The following AHCYL2 variants were observed in gnomAD, a reference collection of about 807,000 sequenced individuals.
The protein encoded by AHCYL2 is adenosylhomocysteinase like 2.
A neutral mutation model predicts 81.4 loss-of-function variants in AHCYL2; 28 were observed. That is an observed-to-expected ratio of 0.34 (90% confidence interval 0.25 to 0.47). The LOEUF (loss-of-function observed/expected upper bound fraction) is 0.47, where lower values mean the gene tolerates loss of function less well. AHCYL2 is among the 20% of genes least tolerant of loss of function. The pLI is 1.00. For synonymous variants in AHCYL2, 272 were observed against 290.2 expected, an observed-to-expected ratio of 0.94 and a Z score of 0.64; for missense variants, 551 against 785.1, an observed-to-expected ratio of 0.70 and a Z score of 3.56.
At chr7:129,298,236 G>T (rs182001242) in intron 1 of AHCYL2, among the ~76,000 whole-genome samples, 51 of 152,282 alleles carry the variant, frequency 3.3e-4, no homozygotes, top group African/African-American at 1.1e-3. Flanking sequence ...AGGGAGTGGG[G>T]TATTCACCAG....
chr7:129,373,563 G>A (rs1794524256), intron 1 of AHCYL2, among the ~76,000 whole-genome samples: 1 of 151,756 alleles, frequency 6.6e-6, no homozygotes, highest in African/African-American at 2.4e-5. Flanking sequence ...TCGCGCCACT[G>A]CACTCCAGCC....
intron 1 of AHCYL2, among the ~76,000 whole-genome samples, chr7:129,350,892 CAG>C (rs1793539312): frequency 6.6e-6 from 1 of 151,698 alleles, no homozygotes; most frequent in Non-Finnish European, 1.5e-5. Flanking sequence ...TTAGTAGAGA[CAG>C]GGTTTCACCA....
intron 8 of AHCYL2, 170 bp downstream of exon 8, chr7:129,405,383 T>C (rs1214540240): frequency 2.3e-6 from 1 of 434,312 alleles, no homozygotes; most frequent in Non-Finnish European, 4.0e-6. Flanking sequence ...TATTTTCTCC[T>C]TTGTATCTTT....
chr7:129,310,432 T>C (rs977533688), intron 1 of AHCYL2, among the ~76,000 whole-genome samples: 1 of 152,020 alleles, frequency 6.6e-6, no homozygotes, highest in Non-Finnish European at 1.5e-5. Flanking sequence ...TGGACCCCAA[T>C]GGACATCAAC....
intron 8 of AHCYL2, chr7:129,405,450 A>G (rs929815890): frequency 1.7e-5 from 6 of 363,010 alleles, no homozygotes; most frequent in Non-Finnish European, 2.9e-5. Context: ...TGTTGCTTTT[A>G]TGTTTAAAAG....
chr7:129,306,178 TTTCTA>T (rs1191972684), intron 1 of AHCYL2, among the ~76,000 whole-genome samples: 4 of 152,244 alleles, frequency 2.6e-5, no homozygotes, highest in African/African-American at 9.6e-5. Flanking sequence ...TTGAATGTAC[TTTCTA>T]TGTCTGTCTC....
intron 1 of AHCYL2, among the ~76,000 whole-genome samples, chr7:129,228,785 CAG>C (rs1794315175): frequency 1.3e-5 from 2 of 152,380 alleles, no homozygotes; most frequent in South Asian, 4.1e-4. Flanking sequence ...CGTGTTCAAA[CAG>C]ACCCTTTATT....
intron 1 of AHCYL2, among the ~76,000 whole-genome samples, chr7:129,270,170 A>G (rs986889394): frequency 1.3e-5 from 2 of 152,140 alleles, no homozygotes; most frequent in Admixed American, 1.3e-4. Flanking sequence ...ATCCTTCCTC[A>G]TTGTATTATC....
chr7:129,337,027 G>A (rs1480155337), intron 1 of AHCYL2, among the ~76,000 whole-genome samples: 1 of 152,144 alleles, frequency 6.6e-6, no homozygotes, highest in Non-Finnish European at 1.5e-5. Flanking sequence ...GATTACAAGT[G>A]TGAACCACTA....
chr7:129,354,547 G>A (rs1037080951), intron 1 of AHCYL2, among the ~76,000 whole-genome samples: 3 of 152,164 alleles, frequency 2.0e-5, no homozygotes, highest in Admixed American at 6.5e-5. Context: ...CAGTCCAGGC[G>A]TAGGCATGAC....
intron 4 of AHCYL2, 64 bp downstream of exon 4, chr7:129,389,798 C>A: frequency 7.3e-7 from 1 of 1,370,928 alleles, no homozygotes. Flanking sequence ...CTACTGAAAG[C>A]TTACAACATG....
At chr7:129,339,912 T>C (rs1044859175) in intron 1 of AHCYL2, among the ~76,000 whole-genome samples, 4 of 126,914 alleles carry the variant, frequency 3.2e-5, no homozygotes, top group African/African-American at 1.1e-4. Flanking sequence ...CCTTTTCCTC[T>C]GCTCTTTTTT....
Position 129,409,455 on chromosome 7 carries a change from G to T in AHCYL2, c.1296-21G>T. On this transcript the variant is annotated intron_variant, in intron 10 of 16. Transcript: ENST00000325006. Reference sequence around the variant, plus strand: ...CCCCAGCTGCCTGTTTAGGTTAATGGGTCATGCTTTATTTCAACAGTATGG... The same window carrying T: ...CCCCAGCTGCCTGTTTAGGTTAATGTGTCATGCTTTATTTCAACAGTATGG... The T allele has an allele frequency of 1.9e-6, 3 of 1,609,196 alleles. No homozygotes were observed. The South Asian group carries it at 3.3e-5, about 18-fold the overall frequency.
At chr7:129,416,728 A>G (rs1421794876) in intron 12 of AHCYL2, among the ~76,000 whole-genome samples, 1 of 152,082 alleles carries the variant, frequency 6.6e-6, no homozygotes, top group East Asian at 1.9e-4. Context: ...TGAACCCGAG[A>G]GGCGGAGATT....
intron 1 of AHCYL2, among the ~76,000 whole-genome samples, chr7:129,287,041 T>C (rs1027865732): frequency 1.0e-4 from 15 of 145,988 alleles, no homozygotes; most frequent in African/African-American, 3.8e-4. Flanking sequence ...CAAAGACATT[T>C]AATGGGAAGA....
chr7:129,352,542 T>C (rs1793603804), intron 1 of AHCYL2, among the ~76,000 whole-genome samples: 1 of 152,190 alleles, frequency 6.6e-6, no homozygotes, highest in South Asian at 2.1e-4. Flanking sequence ...TGCCCCAATT[T>C]TTCTCATCTT....
chr7:129,233,827 A>G (rs1406019161), intron 1 of AHCYL2, among the ~76,000 whole-genome samples: 1 of 152,196 alleles, frequency 6.6e-6, no homozygotes, highest in South Asian at 2.1e-4. Flanking sequence ...TTAACCAGTC[A>G]TAGGCTTTAT....
intron 1 of AHCYL2, among the ~76,000 whole-genome samples, chr7:129,253,380 T>C (rs1275788720): frequency 6.6e-6 from 1 of 152,158 alleles, no homozygotes; most frequent in African/African-American, 2.4e-5. Context: ...CTTACAAATA[T>C]GAATTAATTC....
intron 1 of AHCYL2, among the ~76,000 whole-genome samples, chr7:129,349,698 G>C (rs1268254414): frequency 7.4e-6 from 1 of 135,234 alleles, no homozygotes; most frequent in Non-Finnish European, 1.6e-5. Flanking sequence ...ATTCCATATA[G>C]AACAGCCATG....
Sources: gnomAD v4.1 joint callset for allele counts (sites outside exome capture counted in the v4.1 genomes callset) on GRCh38, gnomAD v4.1.1 for gene constraint, MANE v1.5 for transcripts, NCBI Gene and HGNC (gene_info 2026-07-23, HGNC 2026-07-21) for gene names.